Variants in N4BP2L2 observed in about 807,000 individuals in gnomAD.
The protein encoded by N4BP2L2 is NEDD4 binding protein 2 like 2.
In N4BP2L2, 50 loss-of-function variants were observed where a neutral mutation model predicts 56.2. That is an observed-to-expected ratio of 0.89 (90% CI 0.71 to 1.13). The LOEUF (loss-of-function observed/expected upper bound fraction) is 1.13, where lower values mean the gene tolerates loss of function less well. Ranked by LOEUF, N4BP2L2 falls within the 50% of genes most tolerant of loss-of-function variation. The pLI, the probability that N4BP2L2 is intolerant of heterozygous loss-of-function variation, is 0.00. For missense variants in N4BP2L2, 689 were observed against 693.8 expected, an observed-to-expected ratio of 0.99 and a Z score of 0.08; for synonymous variants, 203 against 223.6, an observed-to-expected ratio of 0.91 and a Z score of 0.82.
At chr13:32,493,507 A>T (rs2087715876) in intron 6 of N4BP2L2, among the ~76,000 whole-genome samples, 1 of 152,206 alleles carries the variant, frequency 6.6e-6, no homozygotes, top group South Asian at 2.1e-4. Flanking sequence ...AAAATTATGT[A>T]ACTTCTCGTT....
intron 6 of N4BP2L2, among the ~76,000 whole-genome samples, chr13:32,468,135 G>A (rs1332106597): frequency 3.9e-5 from 6 of 152,098 alleles, no homozygotes; most frequent in African/African-American, 1.4e-4. Context: ...TAAAGAAAAA[G>A]TTACAGGAGA....
chr13:32,460,913 A>G (rs2079938096), intron 6 of N4BP2L2, among the ~76,000 whole-genome samples: 1 of 152,212 alleles, frequency 6.6e-6, no homozygotes, highest in Admixed American at 6.5e-5. Flanking sequence ...ATAAAAATAG[A>G]CATATCAACC....
intron 2 of N4BP2L2, among the ~76,000 whole-genome samples, chr13:32,535,188 C>T (rs929123480): frequency 5.3e-5 from 8 of 152,052 alleles, no homozygotes; most frequent in Non-Finnish European, 1.0e-4. Flanking sequence ...CAAAACTTGC[C>T]CAAGGTGAAA....
chr13:32,517,949 A>C lies in N4BP2L2; in HGVS notation c.1605T>G (p.Tyr535Ter). The change falls in exon 6 of 6, where the codon TAT becomes TAG. Residue 535 changes from tyrosine (Y) to a stop codon, truncating the protein, a stop_gained. Transcript: ENST00000267068. LOFTEE classifies it high-confidence loss of function. Reference sequence around the variant, plus strand: ...CAATAGAAATGGACATTTGATATTCATAACGATCCAACATCTGAGCAATCT... The same window carrying C: ...CAATAGAAATGGACATTTGATATTCCTAACGATCCAACATCTGAGCAATCT... 6.2e-7 allele frequency: 1 copy of C among 1,614,084 alleles called. No individual in the cohort carries two copies. Among genetic ancestry groups the C allele is most frequent in the Non-Finnish European group, 8.5e-7 (1 of 1,180,002 alleles).
chr13:32,519,552 A>AT (rs2050209762), intron 5 of N4BP2L2, among the ~76,000 whole-genome samples: 1 of 152,098 alleles, frequency 6.6e-6, no homozygotes, highest in Admixed American at 6.5e-5. Context: ...GCTACTCAGG[A>AT]GGCTGAAGCA....
intron 6 of N4BP2L2, among the ~76,000 whole-genome samples, chr13:32,489,549 T>G (rs1050073873): frequency 6.6e-6 from 1 of 152,190 alleles, no homozygotes; most frequent in African/African-American, 2.4e-5. Flanking sequence ...TTTCAAATCT[T>G]CTAACACCTT....
intron 6 of N4BP2L2, among the ~76,000 whole-genome samples, chr13:32,498,589 G>T (rs570693309): frequency 5.9e-5 from 9 of 151,808 alleles, no homozygotes; most frequent in African/African-American, 2.2e-4. Context: ...TGATCCACCT[G>T]CCTTGGCCTC....
chr13:32,461,195 T>C (rs2080002325), intron 6 of N4BP2L2, among the ~76,000 whole-genome samples: 1 of 152,158 alleles, frequency 6.6e-6, no homozygotes, highest in South Asian at 2.1e-4. Context: ...CACAGGATAT[T>C]GGTCTAAGCA....
At chr13:32,492,314 G>A (rs981259109) in intron 6 of N4BP2L2, among the ~76,000 whole-genome samples, 14 of 106,850 alleles carry the variant, frequency 1.3e-4, no homozygotes, top group Admixed American at 8.1e-4. Flanking sequence ...ACAGAGTCTC[G>A]CTTTGTCGGC....
At chr13:32,538,078 G>GC (rs1200007967) in intron 1 of N4BP2L2, among the ~76,000 whole-genome samples, 2 of 137,558 alleles carry the variant, frequency 1.5e-5, no homozygotes, top group South Asian at 5.7e-4. Flanking sequence ...CTTGGGGGGG[G>GC]GGGGCGGTTA....
chr13:32,477,691 T>C (rs1297099290), intron 6 of N4BP2L2: 2 of 375,198 alleles, frequency 5.3e-6, no homozygotes, highest in Non-Finnish European at 9.8e-6. Context: ...TTGTTCAGCC[T>C]ATCTGGAAAA....
intron 9 of N4BP2L2, among the ~76,000 whole-genome samples, chr13:32,435,461 T>C (rs894053076): frequency 1.3e-5 from 2 of 152,188 alleles, no homozygotes; most frequent in African/African-American, 4.8e-5. Context: ...CTCGAACTCC[T>C]GACTTCAGGT....
intron 6 of N4BP2L2, among the ~76,000 whole-genome samples, chr13:32,454,967 C>T (rs1230101845): frequency 6.6e-6 from 1 of 152,202 alleles, no homozygotes; most frequent in Non-Finnish European, 1.5e-5. Flanking sequence ...ACTCTTGCAA[C>T]CTGGGCCAGG....
rs768161415 is a variant in N4BP2L2, at chr13:32,536,279, C to T, written c.749G>A (p.Gly250Glu). The change falls in exon 2 of 6, where the codon GGA becomes GAA. Residue 250 changes from glycine to glutamate, a missense_variant. By Grantham distance (98) the Gly-to-Glu change is moderately conservative. Transcript: ENST00000267068. ...GTCACAAAATGTAGGTATTACTTGT[C>T]CATTACAGGGATATTTGTCTGGCTC... is the stretch of plus-strand genomic sequence containing the variant. 9 of 1,613,496 alleles carry T rather than the reference C, an allele frequency of 5.6e-6. No homozygotes were observed. The East Asian group carries it at 2.0e-4, about 36-fold the overall frequency.
intron 9 of N4BP2L2, among the ~76,000 whole-genome samples, chr13:32,433,804 G>A (rs1474365248): frequency 6.6e-6 from 1 of 150,450 alleles, no homozygotes; most frequent in Non-Finnish European, 1.5e-5. Flanking sequence ...GGTGGCGGGC[G>A]CCTGTAATTC....
chr13:32,524,757 A>C (rs191904302), intron 3 of N4BP2L2: 7 of 151,846 alleles, frequency 4.6e-5, no homozygotes, highest in African/African-American at 1.7e-4. Context: ...ATTCTGTACT[A>C]GTTTGTTTGT....
intron 6 of N4BP2L2, among the ~76,000 whole-genome samples, chr13:32,500,545 A>G (rs7985014): frequency 0.013 from 1,425 of 109,342 alleles, 50 homozygotes; most frequent in African/African-American, 0.058. Context: ...TCCTGTCTCT[A>G]CAAAAAAAAA....
At chr13:32,509,505 TA>T (rs2091446411), downstream of N4BP2L2, 1 of 152,188 alleles carries the variant, frequency 6.6e-6, no homozygotes, top group African/African-American at 2.4e-5. Flanking sequence ...TAATATCGAA[TA>T]AAACAGTTAC....
At chr13:32,443,087 T>G in exon 7 of N4BP2L2, 8 of 1,606,608 alleles carry the variant, frequency 5.0e-6, no homozygotes, top group Non-Finnish European at 6.8e-6. Flanking sequence ...CTTTTCTTAT[T>G]TTTTGTTGAT....
Sources: gnomAD v4.1 joint callset for allele counts (sites outside exome capture counted in the v4.1 genomes callset) on GRCh38, gnomAD v4.1.1 for gene constraint, MANE v1.5 for transcripts, NCBI Gene and HGNC (gene_info 2026-07-23, HGNC 2026-07-21) for gene names.